NCBP2L: variants seen among roughly 807,000 people sequenced by gnomAD.
The protein encoded by NCBP2L is nuclear cap-binding protein subunit 2-like.
For missense variants in NCBP2L, 95 were observed against 53.1 expected (o/e 1.79, Z -2.45); for synonymous variants, 39 against 19.2 (o/e 2.04, Z -2.70).
chrX:107,783,446 C>T, intron 1 of NCBP2L, among the ~76,000 whole-genome samples: 1 of 104,664 alleles, frequency 9.6e-6, no homozygotes. Flanking sequence ...GATCTCCGCT[C>T]ACTGCAGCTT....
At chrX:107,784,581 G>A (rs1441681481) in intron 1 of NCBP2L, among the ~76,000 whole-genome samples, 2 of 109,470 alleles carry the variant, frequency 1.8e-5, no homozygotes, top group African/African-American at 6.7e-5. Context: ...AACAATCTCT[G>A]GCCCCAACCA....
intron 1 of NCBP2L, among the ~76,000 whole-genome samples, chrX:107,785,935 A>G (rs748721724): frequency 3.6e-5 from 4 of 110,301 alleles, no homozygotes; most frequent in African/African-American, 6.6e-5. Flanking sequence ...TATTGTTTGT[A>G]GATCCCAAGC....
At chrX:107,787,375 G>A (rs878880390) in intron 1 of NCBP2L, among the ~76,000 whole-genome samples, 2 of 112,083 alleles carry the variant, frequency 1.8e-5, no homozygotes, top group Admixed American at 9.5e-5. Context: ...CTGCCAGTCT[G>A]TTTCAGCTTA....
rs778296419 is a variant in NCBP2L at position 107,781,835 on chromosome X, T to G, written c.-73+3977T>G. On this transcript the variant is annotated intron_variant, in intron 1 of 1. Coordinates refer to ENST00000509000, the MANE Select transcript of NCBP2L (RefSeq NM_001348372.2). ...ATCTAGATATCTATATATAGAGAGA[T>G]ATATATATTTATATATATATATTTT... 2.9e-3 allele frequency among the ~76,000 whole-genome samples: 117 copies of G among 39,663 alleles called. 1 individual carries two copies. The East Asian group carries it at 0.045, about 15-fold the overall frequency. 34.4% of individuals were successfully genotyped at this position (39,663 alleles called of 115,157 possible). A position where few individuals can be genotyped will look rare whatever the true frequency, so the allele number is the denominator to read the frequency against.
rs1416845908 is a variant in NCBP2L at position 107,795,461 on chromosome X, A to T, written c.*779A>T. Reference sequence around the variant, plus strand: ...TACAATGTTTGGACTTTACAATGGTATAAAAGTGATGTGCATTCAGTAGAA... The same window carrying T: ...TACAATGTTTGGACTTTACAATGGTTTAAAAGTGATGTGCATTCAGTAGAA... On this transcript the variant is annotated 3_prime_UTR_variant, in exon 2 of 2. Coordinates refer to ENST00000509000, the MANE Select transcript of NCBP2L (RefSeq NM_001348372.2). 1 of 112,020 alleles carries T rather than the reference A, an allele frequency of 8.9e-6. No homozygotes were observed. Among genetic ancestry groups the T allele is most frequent in the Non-Finnish European group, 1.9e-5 (1 of 53,264 alleles). 9.2% of individuals were successfully genotyped at this position (112,020 alleles called of 1,213,427 possible). A position where few individuals can be genotyped will look rare whatever the true frequency, so the allele number is the denominator to read the frequency against.
intron 1 of NCBP2L, among the ~76,000 whole-genome samples, chrX:107,783,620 G>T (rs1399658530): frequency 9.2e-6 from 1 of 108,320 alleles, no homozygotes; most frequent in East Asian, 3.0e-4. Flanking sequence ...TGATCCATCT[G>T]CCTCGGCCTC....
intron 1 of NCBP2L, among the ~76,000 whole-genome samples, chrX:107,793,323 G>A (rs896148980): frequency 9.0e-6 from 1 of 110,814 alleles, no homozygotes; most frequent in African/African-American, 3.3e-5. Flanking sequence ...CTCGTTTTGC[G>A]GTGTTTCTAT....
chrX:107,789,188 T>A (rs1930420840), intron 1 of NCBP2L, among the ~76,000 whole-genome samples: 1 of 103,582 alleles, frequency 9.7e-6, no homozygotes, highest in East Asian at 3.0e-4. Flanking sequence ...TTTTTTTTTT[T>A]TTTTTTTTTG....
intron 1 of NCBP2L, among the ~76,000 whole-genome samples, chrX:107,786,099 C>T (rs111467631): frequency 0.047 from 5,250 of 110,939 alleles, 324 homozygotes; most frequent in African/African-American, 0.16. Flanking sequence ...ATCCATTTGC[C>T]CTACTTTCCA....
intron 1 of NCBP2L, among the ~76,000 whole-genome samples, chrX:107,792,758 C>T (rs896366152): frequency 3.6e-5 from 4 of 111,749 alleles, no homozygotes; most frequent in Non-Finnish European, 7.5e-5. Context: ...TCTCCAGAAG[C>T]CTTCTCTGTT....
intron 1 of NCBP2L, among the ~76,000 whole-genome samples, chrX:107,778,453 G>A (rs963853866): frequency 4.5e-5 from 5 of 112,352 alleles, no homozygotes; most frequent in Non-Finnish European, 9.4e-5. Flanking sequence ...ATATAATTGA[G>A]ATATAAAAAA....
chrX:107,792,112 G>GCT (rs1182033433), intron 1 of NCBP2L, among the ~76,000 whole-genome samples: 3 of 112,168 alleles, frequency 2.7e-5, no homozygotes, highest in Non-Finnish European at 5.6e-5. Flanking sequence ...AGAGCCTTTG[G>GCT]CTCTCTGCTA....
At chrX:107,779,907 C>T (rs909430191) in intron 1 of NCBP2L, among the ~76,000 whole-genome samples, 1 of 108,744 alleles carries the variant, frequency 9.2e-6, no homozygotes, top group African/African-American at 3.4e-5. Context: ...CCACGCCCGG[C>T]TAATTTTTTT....
rs368616267 is a variant in NCBP2L at position 107,794,392 on chromosome X, C to T, written c.172C>T (p.Leu58Phe). 1.6e-3 allele frequency: 918 copies of T among 568,752 alleles called. 3 individuals carry two copies. Among genetic ancestry groups the T allele is most frequent in the Non-Finnish European group, 1.1e-3 (341 of 309,221 alleles). The allele number at this position is 568,752 out of a possible 1,213,427, so 46.9% of individuals were successfully genotyped here. The change falls in exon 2 of 2, where the codon CTC becomes TTC. Residue 58 changes from leucine to phenylalanine, a missense_variant. Physicochemically the swap from Leu to Phe is conservative, Grantham distance 22 (BLOSUM62 0). Coordinates refer to ENST00000509000, the MANE Select transcript of NCBP2L (RefSeq NM_001348372.2). ...FYTTEEKIHE[L>F]FSRSDIRNIF... Reference sequence around the variant, plus strand: ...TACAACCGAAGAGAAAATACATGAACTCTTTAGTAGATCTGATATCAGGAA... The same window carrying T: ...TACAACCGAAGAGAAAATACATGAATTCTTTAGTAGATCTGATATCAGGAA...
intron 1 of NCBP2L, among the ~76,000 whole-genome samples, chrX:107,787,446 G>T (rs753945427): frequency 4.5e-5 from 5 of 111,984 alleles, no homozygotes; most frequent in African/African-American, 1.3e-4. Flanking sequence ...TTGGTACATG[G>T]ATATATTGCA....
chrX:107,781,247 G>A (rs1930262270), intron 1 of NCBP2L, among the ~76,000 whole-genome samples: 1 of 93,223 alleles, frequency 1.1e-5, no homozygotes, highest in South Asian at 5.5e-4. Context: ...ACAGTATTTG[G>A]CTCTGCCGCC....
intron 1 of NCBP2L, among the ~76,000 whole-genome samples, chrX:107,779,121 A>T (rs1389127722): frequency 8.9e-6 from 1 of 111,926 alleles, no homozygotes; most frequent in Non-Finnish European, 1.9e-5. Context: ...ATAAAATGTG[A>T]GACATGGAAG....
rs188504893 is a variant in NCBP2L, at chrX:107,795,027, T to C, written c.*345T>C. ...GCCATGTTCCTGCAGCCCAAAATTA[T>C]AATTTTTTTTAGAGCTTGCATAAAA... On this transcript the variant is annotated 3_prime_UTR_variant, in exon 2 of 2. Coordinates refer to ENST00000509000, the MANE Select transcript of NCBP2L (RefSeq NM_001348372.2). 15 of 121,300 alleles carry C rather than the reference T, an allele frequency of 1.2e-4. No homozygotes were observed. In the East Asian group the frequency reaches 3.7e-3, roughly 30 times the overall value. The allele number at this position is 121,300 out of a possible 1,213,427, so 10.0% of individuals were successfully genotyped here.
Position 107,782,208 on chromosome X carries a change from T to A in NCBP2L, c.-73+4350T>A, listed in dbSNP as rs35144353. Reference sequence around the variant, plus strand: ...ATATATATATATAAATATATATATATAAATATATATATAAATATATATATA... The same window carrying A: ...ATATATATATATAAATATATATATAAAAATATATATATAAATATATATATA... On this transcript the variant is annotated intron_variant, in intron 1 of 1. Coordinates refer to ENST00000509000, the MANE Select transcript of NCBP2L (RefSeq NM_001348372.2). Among the ~76,000 whole-genome samples the A allele has an allele frequency of 5.0e-3, 86 of 17,308 alleles. 2 individuals carry two copies. Among genetic ancestry groups the A allele is most frequent in the African/African-American group, 0.015 (49 of 3,264 alleles). 15.0% of individuals were successfully genotyped at this position (17,308 alleles called of 115,157 possible). A position where few individuals can be genotyped will look rare whatever the true frequency, so the allele number is the denominator to read the frequency against.
Sources: gnomAD v4.1 joint callset for allele counts (sites outside exome capture counted in the v4.1 genomes callset) on GRCh38, gnomAD v4.1.1 for gene constraint, MANE v1.5 for transcripts, NCBI Gene and HGNC (gene_info 2026-07-23, HGNC 2026-07-21) for gene names.